The following ANKRD34B variants were observed in gnomAD, a reference collection of about 807,000 sequenced individuals.
The protein encoded by ANKRD34B is ankyrin repeat domain 34B.
ANKRD34B carries 2 observed loss-of-function variants against 4.4 expected under a neutral mutation model. The observed-to-expected ratio is 0.46, with a 90% CI of 0.19 to 1.44. The LOEUF (loss-of-function observed/expected upper bound fraction) is 1.44, where lower values mean the gene tolerates loss of function less well. Ranked by LOEUF, ANKRD34B falls within the 40% of genes most tolerant of loss-of-function variation. The pLI is 0.26. For synonymous variants in ANKRD34B, 226 were observed against 227.1 expected, an observed-to-expected ratio of 0.99 and a Z score of 0.05; for missense variants, 558 against 604.7, an observed-to-expected ratio of 0.92 and a Z score of 0.81.
At position 80,559,815 on chromosome 5, in the gene ANKRD34B, AT is replaced by A; in HGVS notation, c.204del (p.Lys68AsnfsTer4). 2 of 1,614,194 alleles carry A rather than the reference AT, an allele frequency of 1.2e-6. No individual in the cohort carries two copies. The highest frequency in any genetic ancestry group is 1.7e-6 in the Non-Finnish European group (2 of 1,180,048). On this transcript the variant is annotated frameshift_variant, in exon 5 of 5. Coordinates refer to ENST00000338682, the MANE Select transcript of ANKRD34B (RefSeq NM_001004441.3). LOFTEE classifies it low-confidence loss of function (END_TRUNC). The part of the protein sequence containing the change: ...HQSVSKAKMV[K>X]YLLENNADPN... ...GGATCGGCATTGTTCTCTAACAGGT[AT>A]TTCACCATTTTGGCTTTACTGACAC...
At chr5:80,564,827 T>G (rs1746516594) in intron 3 of ANKRD34B, among the ~76,000 whole-genome samples, 1 of 150,314 alleles carries the variant, frequency 6.7e-6, no homozygotes, top group African/African-American at 2.5e-5. Context: ...TGCCTCAGCC[T>G]CTGGAGTAGC....
intron 4 of ANKRD34B, 35 bp from the exon 5 acceptor site, chr5:80,560,077 G>T: frequency 8.1e-7 from 1 of 1,237,756 alleles, no homozygotes; most frequent in Non-Finnish European, 1.1e-6. Context: ...CAAAAGATTA[G>T]CCAGAATCAG....
chr5:80,568,889 AACACACACACACACACACAC>A (rs745736258), intron 2 of ANKRD34B, 51 bp downstream of exon 2: 1 of 46,006 alleles, frequency 2.2e-5, no homozygotes, highest in Non-Finnish European at 3.9e-5. Flanking sequence ...CTCCCCCCAA[AACACACACACACACACACAC>A]ACACACACAC....
Position 80,556,796 on chromosome 5 carries a change from T to C in ANKRD34B, c.*1679A>G, listed in dbSNP as rs976660425. 2 of 152,650 alleles carry C rather than the reference T, an allele frequency of 1.3e-5. No individual in the cohort carries two copies. Among genetic ancestry groups the C allele is most frequent in the Admixed American group, 6.5e-5 (1 of 15,292 alleles). 9.5% of individuals were successfully genotyped at this position (152,650 alleles called of 1,614,324 possible). The stretch of plus-strand genomic sequence containing the variant: ...TATTGATACCATTTTGTTTATGAAC[T>C]AATCTATTTACATACCCTTCCAAAT... On this transcript the variant is annotated 3_prime_UTR_variant, in exon 5 of 5. Coordinates refer to ENST00000338682, the MANE Select transcript of ANKRD34B (RefSeq NM_001004441.3).
chr5:80,560,368 A>C (rs1746381195), intron 4 of ANKRD34B, among the ~76,000 whole-genome samples: 1 of 152,132 alleles, frequency 6.6e-6, no homozygotes, highest in Non-Finnish European at 1.5e-5. Context: ...TTAAAAAGCA[A>C]ATTTAGGACA....
chr5:80,568,679 G>T (rs1340905131), intron 2 of ANKRD34B, among the ~76,000 whole-genome samples: 2 of 152,158 alleles, frequency 1.3e-5, no homozygotes, highest in Non-Finnish European at 2.9e-5. Flanking sequence ...CTGGAAAATG[G>T]AATGACTGGC....
chr5:80,569,139 G>C (rs1051061994), intron 1 of ANKRD34B, 32 bp from the exon 2 acceptor site: 1 of 152,382 alleles, frequency 6.6e-6, no homozygotes, highest in African/African-American at 2.4e-5. Flanking sequence ...AGGTGACTGG[G>C]GCGACAGCTC....
chr5:80,566,275 C>A (rs1746562420), intron 3 of ANKRD34B, among the ~76,000 whole-genome samples: 1 of 152,004 alleles, frequency 6.6e-6, no homozygotes, highest in African/African-American at 2.4e-5. Flanking sequence ...CTTAGAGGTC[C>A]CAAGTGCCAT....
intron 3 of ANKRD34B, among the ~76,000 whole-genome samples, chr5:80,566,279 G>C (rs1328505670): frequency 6.6e-6 from 1 of 152,138 alleles, no homozygotes; most frequent in Non-Finnish European, 1.5e-5. Flanking sequence ...GAGGTCCCAA[G>C]TGCCATAGAA....
At chr5:80,561,343 A>G (rs1746400538) in intron 4 of ANKRD34B, among the ~76,000 whole-genome samples, 1 of 152,104 alleles carries the variant, frequency 6.6e-6, no homozygotes, top group South Asian at 2.1e-4. Context: ...TAGTTTTTGG[A>G]AACTGAAAAC....
chr5:80,564,669 A>G (rs1746509600), intron 3 of ANKRD34B, among the ~76,000 whole-genome samples: 1 of 151,260 alleles, frequency 6.6e-6, no homozygotes, highest in African/African-American at 2.4e-5. Context: ...TCCTCATTAT[A>G]AAGACTTTTA....
chr5:80,563,959 C>A (rs1267402932), intron 3 of ANKRD34B, 144 bp from the exon 4 acceptor site: 1 of 152,078 alleles, frequency 6.6e-6, no homozygotes, highest in Non-Finnish European at 1.5e-5. Flanking sequence ...TTAGTAATTG[C>A]AATTCAATTG....
intron 2 of ANKRD34B, among the ~76,000 whole-genome samples, 183 bp downstream of exon 2, chr5:80,568,777 T>C (rs1228786834): frequency 6.6e-6 from 1 of 151,962 alleles, no homozygotes; most frequent in Non-Finnish European, 1.5e-5. Context: ...TTTGCTGTGT[T>C]TCCCACACAT....
At chr5:80,565,609 C>T (rs1198397413) in intron 3 of ANKRD34B, among the ~76,000 whole-genome samples, 1 of 152,220 alleles carries the variant, frequency 6.6e-6, no homozygotes, top group Non-Finnish European at 1.5e-5. Context: ...TGAAATCAGA[C>T]ACTGTCTAGA....
In ANKRD34B at chr5:80,557,462, C is replaced by T. The variant is rs1047608508; in HGVS notation, c.*1013G>A. The T allele has an allele frequency of 1.3e-5, 2 of 151,750 alleles. No homozygotes were observed. Among genetic ancestry groups the T allele is most frequent in the African/African-American group, 4.8e-5 (2 of 41,326 alleles). The allele number at this position is 151,750 out of a possible 1,614,324, so 9.4% of individuals were successfully genotyped here. Reference sequence around the variant, plus strand: ...CATTTTGTGATTAAGTTTCTACTGCCTCTATTAATTTTAGCTAACCTAATC... The same window carrying T: ...CATTTTGTGATTAAGTTTCTACTGCTTCTATTAATTTTAGCTAACCTAATC... On this transcript the variant is annotated 3_prime_UTR_variant, in exon 5 of 5. Coordinates refer to ENST00000338682, the MANE Select transcript of ANKRD34B (RefSeq NM_001004441.3).
chr5:80,562,680 T>C lies in ANKRD34B; in HGVS notation c.-24+1055A>G, dbSNP rs1746440189. 2.0e-5 allele frequency among the ~76,000 whole-genome samples: 3 copies of C among 152,356 alleles called. No homozygotes were observed. The South Asian group carries it at 6.2e-4, about 32-fold the overall frequency. ...CACCGCGCCCAGCCTGTTCACTCAC[T>C]TTTTAACATTTAGTAGAGAACTTTT... On this transcript the variant is annotated intron_variant, in intron 4 of 4. Transcript: ENST00000338682.
chr5:80,565,808 T>C (rs115108984), intron 3 of ANKRD34B, among the ~76,000 whole-genome samples: 229 of 152,374 alleles, frequency 1.5e-3, no homozygotes, highest in African/African-American at 5.3e-3. Context: ...TCTTCTCATT[T>C]GGTAAACATC....
At chr5:80,569,699 C>A (rs1018602020) in intron 1 of ANKRD34B, among the ~76,000 whole-genome samples, 24 of 152,154 alleles carry the variant, frequency 1.6e-4, no homozygotes, top group Non-Finnish European at 2.9e-4. Flanking sequence ...TCAGGCCCCC[C>A]GCCCCGCATC....
chr5:80,562,554 C>G (rs985842062), intron 4 of ANKRD34B, among the ~76,000 whole-genome samples: 2 of 152,158 alleles, frequency 1.3e-5, no homozygotes, highest in African/African-American at 4.8e-5. Flanking sequence ...AGCTTGGCTT[C>G]GAGGAGGCCG....
Sources: gnomAD v4.1 joint callset for allele counts (sites outside exome capture counted in the v4.1 genomes callset) on GRCh38, gnomAD v4.1.1 for gene constraint, MANE v1.5 for transcripts, NCBI Gene and HGNC (gene_info 2026-07-23, HGNC 2026-07-21) for gene names.